The following ADGRL2 variants were observed in gnomAD, a reference collection of about 807,000 sequenced individuals.
ADGRL2 encodes the protein adhesion G protein-coupled receptor L2.
Under a neutral mutation model 157.4 loss-of-function variants are expected in ADGRL2, and 44 were observed. The observed-to-expected ratio is 0.28, with a 90% CI of 0.22 to 0.36. The LOEUF is 0.36. Among genes scored for constraint, ADGRL2 ranks in the 10% least tolerant of loss-of-function variants. The probability of loss-of-function intolerance (pLI) is 1.00; values close to 1 mark genes in which losing one functional copy is unlikely to be tolerated. For synonymous variants in ADGRL2, 585 were observed against 624.7 expected, an observed-to-expected ratio of 0.94 and a Z score of 0.95; for missense variants, 1,510 against 1,768.9, an observed-to-expected ratio of 0.85 and a Z score of 2.63.
intron 1 of ADGRL2, among the ~76,000 whole-genome samples, chr1:81,310,292 G>T (rs534944112): frequency 2.6e-5 from 4 of 152,232 alleles, no homozygotes; most frequent in Admixed American, 2.6e-4. Context: ...GTCTATTTGG[G>T]ATAGCCTTTG....
chr1:81,846,729 G>A lies in ADGRL2; in HGVS notation c.73+9672G>A, dbSNP rs538664064. ...TTCTCTTTGTAGTACTAAAATCTAAGCCAGGTGTTAGATATGCCTATATGA... is the reference window on the plus strand; with the variant it reads ...TTCTCTTTGTAGTACTAAAATCTAAACCAGGTGTTAGATATGCCTATATGA... On this transcript the variant is annotated intron_variant, in intron 2 of 23. Transcript: ENST00000686636. Among the ~76,000 whole-genome samples the A allele has an allele frequency of 5.3e-5, 8 of 151,928 alleles. No homozygotes were observed. In the South Asian group the frequency reaches 1.0e-3, roughly 20 times the overall value.
In ADGRL2 at chr1:81,943,112, G is replaced by A. The variant is rs755815823; in HGVS notation, c.553G>A (p.Asp185Asn). 3.1e-6 allele frequency: 5 copies of A among 1,613,280 alleles called. No individual in the cohort carries two copies. Among genetic ancestry groups the A allele is most frequent in the African/African-American group, 2.7e-5 (2 of 74,836 alleles). Reference sequence around the variant, plus strand: ...CATGCCCTGGACTCCCTATCGTACCGATACTTTAATAGAATATGCTTCTTT... The same window carrying A: ...CATGCCCTGGACTCCCTATCGTACCAATACTTTAATAGAATATGCTTCTTT... ...YFMPWTPYRT[D>N]TLIEYASLED... is the part of the protein sequence containing the mutation. The change falls in exon 6 of 24, where the codon GAT becomes AAT. Residue 185 changes from aspartate to asparagine, a missense_variant. Coordinates refer to ENST00000686636, the MANE Select transcript of ADGRL2 (RefSeq NM_001366006.2). This position sits in a 1 kb window ranked among gnomAD's most constrained non-coding sequence, Gnocchi z 5.6.
chr1:81,559,073 A>G (rs2080380472), intron 2 of ADGRL2, among the ~76,000 whole-genome samples: 1 of 152,092 alleles, frequency 6.6e-6, no homozygotes, highest in South Asian at 2.1e-4. Context: ...GTCATTCTGT[A>G]AGGAGACTTA....
intron 3 of ADGRL2, among the ~76,000 whole-genome samples, chr1:81,915,193 A>C (rs1159978778): frequency 1.3e-5 from 2 of 152,032 alleles, no homozygotes; most frequent in South Asian, 4.2e-4. Context: ...CTCCCACCTC[A>C]GTCTCCCGAG....
intron 2 of ADGRL2, among the ~76,000 whole-genome samples, chr1:81,549,987 A>T (rs910023337): frequency 6.6e-6 from 1 of 152,222 alleles, no homozygotes; most frequent in African/African-American, 2.4e-5. Context: ...TAAGGATTTG[A>T]TAAATGAGCC....
At chr1:81,749,732 T>C (rs1177120333) in intron 1 of ADGRL2, among the ~76,000 whole-genome samples, 5 of 152,214 alleles carry the variant, frequency 3.3e-5, no homozygotes, top group African/African-American at 4.8e-5. Context: ...ATTTCAATAG[T>C]GAGTTTCATA....
intron 2 of ADGRL2, chr1:81,503,521 G>A (rs1448477255): frequency 2.4e-5 from 38 of 1,584,442 alleles, no homozygotes; most frequent in Non-Finnish European, 2.9e-5. Flanking sequence ...AGTGAAGGAA[G>A]TTGATGCACA....
chr1:81,639,950 T>C (rs531630186), intron 3 of ADGRL2, among the ~76,000 whole-genome samples: 22 of 152,312 alleles, frequency 1.4e-4, no homozygotes, highest in African/African-American at 4.8e-4. Context: ...TTGAGTATTA[T>C]AGAGCAGATG....
At chr1:81,434,771 A>T (rs1001411862) in intron 1 of ADGRL2, among the ~76,000 whole-genome samples, 1 of 152,170 alleles carries the variant, frequency 6.6e-6, no homozygotes, top group Non-Finnish European at 1.5e-5. Context: ...CTACCTTGCA[A>T]CCAAAATTGG....
intron 1 of ADGRL2, among the ~76,000 whole-genome samples, chr1:81,416,468 A>C (rs1024741455): frequency 7.9e-5 from 12 of 152,114 alleles, no homozygotes; most frequent in Non-Finnish European, 1.8e-4. Context: ...CTGTAACTTG[A>C]CTTTAAATTA....
At chr1:81,508,580 C>G (rs753454569) in intron 2 of ADGRL2, among the ~76,000 whole-genome samples, 7 of 152,164 alleles carry the variant, frequency 4.6e-5, no homozygotes, top group Non-Finnish European at 1.0e-4. Context: ...CTAACAAACA[C>G]AAGTTGAAAG....
chr1:81,306,449 TG>T (rs1278832944), exon 1 of ADGRL2: 2 of 152,154 alleles, frequency 1.3e-5, no homozygotes, highest in African/African-American at 4.8e-5. Flanking sequence ...AACTGCTGCC[TG>T]GCTTTACTTA....
intron 2 of ADGRL2, among the ~76,000 whole-genome samples, chr1:81,572,612 A>G (rs890172967): frequency 2.0e-5 from 3 of 152,194 alleles, no homozygotes; most frequent in Admixed American, 1.3e-4. Context: ...ACTTTTCAAA[A>G]CAGAAGTAAA....
intron 11 of ADGRL2, among the ~76,000 whole-genome samples, chr1:81,958,369 C>T (rs376642271): frequency 2.6e-5 from 4 of 151,984 alleles, no homozygotes; most frequent in African/African-American, 4.8e-5. Context: ...GTGAGGGAAA[C>T]GTTCACCTTT....
rs1328873072 is a variant in ADGRL2 at position 81,976,949 on chromosome 1, G to A, written c.3022-2920G>A. Among the ~76,000 whole-genome samples the A allele has an allele frequency of 2.0e-5, 3 of 151,816 alleles. No homozygotes were observed. The East Asian group carries it at 5.8e-4, about 29-fold the overall frequency. Reference sequence around the variant, plus strand: ...TCATTCATCTCTGAGTGATTTTTAAGTTGGATTACTTTTTATAGAAATGGA... The same window carrying A: ...TCATTCATCTCTGAGTGATTTTTAAATTGGATTACTTTTTATAGAAATGGA... On this transcript the variant is annotated intron_variant, in intron 17 of 23. Coordinates refer to ENST00000686636, the MANE Select transcript of ADGRL2 (RefSeq NM_001366006.2).
intron 2 of ADGRL2, among the ~76,000 whole-genome samples, chr1:81,458,325 C>T (rs986206585): frequency 1.3e-5 from 2 of 152,188 alleles, no homozygotes; most frequent in Non-Finnish European, 2.9e-5. Flanking sequence ...TGTGGCATAG[C>T]TTTAGAATTT....
rs112259738 is a variant in ADGRL2, at chr1:81,352,737, T to C, written c.-302+46228T>C. The stretch of plus-strand genomic sequence containing the variant: ...AGTTCACAGCCATTCTTTTTAGTCA[T>C]CTAAACACTTTTGATGTAGAAGGGA... On this transcript the variant is annotated intron_variant, in intron 1 of 24. Transcript: ENST00000370721. Among the ~76,000 whole-genome samples, 11 of 152,240 alleles carry C rather than the reference T, an allele frequency of 7.2e-5. 1 individual carries two copies. Among genetic ancestry groups the C allele is most frequent in the African/African-American group, 2.4e-4 (10 of 41,546 alleles).
chr1:81,736,397 C>G (rs995833593), intron 1 of ADGRL2, among the ~76,000 whole-genome samples: 2 of 152,104 alleles, frequency 1.3e-5, no homozygotes, highest in Non-Finnish European at 2.9e-5. Context: ...AGCATCATCC[C>G]GTATCTTTCT....
chr1:81,546,378 A>G (rs933670072), intron 2 of ADGRL2, among the ~76,000 whole-genome samples: 1 of 152,174 alleles, frequency 6.6e-6, no homozygotes, highest in Non-Finnish European at 1.5e-5. Context: ...TTCTTGGGTA[A>G]AGGTTTCTCA....
Sources: gnomAD v4.1 joint callset for allele counts (sites outside exome capture counted in the v4.1 genomes callset) on GRCh38, gnomAD v4.1.1 for gene constraint, Gnocchi (gnomAD v3.1) non-coding constraint, MANE v1.5 for transcripts, NCBI Gene and HGNC (gene_info 2026-07-23, HGNC 2026-07-21) for gene names.